Variants in LPIN2 observed in about 807,000 individuals in gnomAD.
The protein encoded by LPIN2 is lipin 2, also known as phosphatidate phosphatase LPIN2.
A neutral mutation model predicts 111.4 loss-of-function variants in LPIN2; 55 were observed. The ratio of observed to expected loss-of-function variants is 0.49; its 90% confidence interval spans 0.40 to 0.62. LPIN2 has a LOEUF of 0.62. Ranked by LOEUF, LPIN2 falls within the 20% of genes least tolerant of loss-of-function variation. The pLI is 0.00. For synonymous variants in LPIN2, 425 were observed against 414.0 expected (o/e 1.03, Z -0.32); for missense variants, 992 against 1,112.1 (o/e 0.89, Z 1.54).
rs369260804 is a variant in LPIN2, at chr18:2,947,557, T to C, written c.590+3498A>G. 5.1e-4 allele frequency among the ~76,000 whole-genome samples: 77 copies of C among 152,336 alleles called. No individual in the cohort carries two copies. The East Asian group carries it at 8.9e-3, about 18-fold the overall frequency. On this transcript the variant is annotated intron_variant, in intron 4 of 19. Transcript: ENST00000677752. ...ATAGCAATCTGCTTTAAAGAATGAT[T>C]CCCTCTTCCATCTGCCTCCTTCAAG...
chr18:2,975,776 A>C (rs2078003574), intron 1 of LPIN2, among the ~76,000 whole-genome samples: 1 of 152,232 alleles, frequency 6.6e-6, no homozygotes, highest in Non-Finnish European at 1.5e-5. Flanking sequence ...CTCTAAAATA[A>C]GCCAGGAAAT....
chr18:2,985,415 CT>C (rs2078173672), intron 1 of LPIN2: 1 of 152,080 alleles, frequency 6.6e-6, no homozygotes, highest in African/African-American at 2.4e-5. Flanking sequence ...AAAAAAGCTA[CT>C]TTTTACTTTT....
chr18:2,933,086 C>CT lies in LPIN2; in HGVS notation c.1268+1264dup, dbSNP rs146581802. ...TAAAGTTTAGTGATAATTACAAATACTGTAAATTTGGTAATGAAGATGCTA... is the reference window on the plus strand; with the variant it reads ...TAAAGTTTAGTGATAATTACAAATACTTGTAAATTTGGTAATGAAGATGCTA... On this transcript the variant is annotated intron_variant, in intron 8 of 19. Coordinates refer to ENST00000677752, the MANE Select transcript of LPIN2 (RefSeq NM_001375808.2). 4.6e-5 allele frequency among the ~76,000 whole-genome samples: 7 copies of CT among 152,314 alleles called. No individual in the cohort carries two copies. The East Asian group carries it at 1.3e-3, about 29-fold the overall frequency.
rs962577689 is a variant in LPIN2, at chr18:2,918,097, A to G, written c.*2196T>C. On this transcript the variant is annotated 3_prime_UTR_variant, in exon 20 of 20. Transcript: ENST00000677752. ...AAGAGGGACTCCTTTAAACAAGGAA[A>G]AAGACTCACATTAATTAGCCTATGT... 3 of 123,258 alleles carry G rather than the reference A, an allele frequency of 2.4e-5. No individual in the cohort carries two copies. The highest frequency in any genetic ancestry group is 3.9e-5 in the African/African-American group (1 of 25,486). 7.6% of individuals were successfully genotyped at this position (123,258 alleles called of 1,614,324 possible).
Position 2,954,576 on chromosome 18 carries a change from A to T in LPIN2, c.216T>A (p.Ser72Arg). Reference sequence around the variant, plus strand: ...CCAACTTCATGTGAAGATCCACTGCACTGCCGTTGATTTCTATATCAATCT... The same window carrying T: ...CCAACTTCATGTGAAGATCCACTGCTCTGCCGTTGATTTCTATATCAATCT... The part of the protein sequence containing the change: ...EKVIDIEING[S>R]AVDLHMKLGD... The change falls in exon 3 of 20, where the codon AGT (serine) becomes AGA (arginine). Residue 72 changes from serine (S) to arginine (R), a missense_variant. Transcript: ENST00000677752. 6.2e-7 allele frequency: 1 copy of T among 1,613,288 alleles called. No homozygotes were observed. The highest frequency in any genetic ancestry group is 8.5e-7 in the Non-Finnish European group (1 of 1,179,180).
At chr18:2,981,056 A>T (rs1027553077) in intron 1 of LPIN2, among the ~76,000 whole-genome samples, 3 of 152,256 alleles carry the variant, frequency 2.0e-5, no homozygotes, top group Non-Finnish European at 4.4e-5. Flanking sequence ...CTAACAAAGC[A>T]CAGAAATCTT....
At chr18:2,964,926 G>A (rs2077770243) in intron 1 of LPIN2, among the ~76,000 whole-genome samples, 1 of 152,112 alleles carries the variant, frequency 6.6e-6, no homozygotes, top group African/African-American at 2.4e-5. Context: ...TGAACTGATT[G>A]GGTCTACTCT....
At chr18:2,981,504 A>C (rs1450718722) in intron 1 of LPIN2, among the ~76,000 whole-genome samples, 1 of 152,192 alleles carries the variant, frequency 6.6e-6, no homozygotes, top group African/African-American at 2.4e-5. Context: ...ACTTCCTGTG[A>C]GGGAGAGTTT....
intron 8 of LPIN2, among the ~76,000 whole-genome samples, chr18:2,934,124 T>C (rs577753728): frequency 2.6e-5 from 4 of 152,340 alleles, no homozygotes; most frequent in Non-Finnish European, 4.4e-5. Flanking sequence ...AACTAGTATA[T>C]CTCTCCTCAT....
At chr18:2,988,012 C>CA (rs761121515) in intron 1 of LPIN2, among the ~76,000 whole-genome samples, 5,920 of 32,094 alleles carry the variant, frequency 0.18, 976 homozygotes, top group African/African-American at 0.28. Flanking sequence ...GAGACTGTCT[C>CA]AAAAAAAAAA....
chr18:2,980,820 G>A (rs1475101783), intron 1 of LPIN2, among the ~76,000 whole-genome samples: 1 of 152,142 alleles, frequency 6.6e-6, no homozygotes, highest in East Asian at 1.9e-4. Flanking sequence ...GCTCTAAACT[G>A]CAGAAAAGCT....
At chr18:2,936,556 G>C (rs1268307017) in intron 7 of LPIN2, among the ~76,000 whole-genome samples, 1 of 151,974 alleles carries the variant, frequency 6.6e-6, no homozygotes, top group Non-Finnish European at 1.5e-5. Flanking sequence ...CAGGTGATTA[G>C]AATAACTTCT....
Position 3,005,122 on chromosome 18 carries a change from G to A in LPIN2, c.-10+7965C>T, listed in dbSNP as rs557180914. ...CCCAGCACTTTGGGAGGCCAAGGTC[G>A]GTGGATCACTTGAGGTCAGGAGTTT... On this transcript the variant is annotated intron_variant, in intron 1 of 19. Coordinates refer to ENST00000677752, the MANE Select transcript of LPIN2 (RefSeq NM_001375808.2). Among the ~76,000 whole-genome samples, 11 of 152,246 alleles carry A rather than the reference G, an allele frequency of 7.2e-5. No homozygotes were observed. The South Asian group carries it at 8.3e-4, about 11-fold the overall frequency.
intron 1 of LPIN2, among the ~76,000 whole-genome samples, chr18:2,977,986 A>G (rs1163429880): frequency 6.6e-6 from 1 of 152,140 alleles, no homozygotes; most frequent in Non-Finnish European, 1.5e-5. Flanking sequence ...TGAGGTCAAG[A>G]GTTCAAGACC....
chr18:2,975,813 C>A (rs879743599), intron 1 of LPIN2, among the ~76,000 whole-genome samples: 1 of 152,198 alleles, frequency 6.6e-6, no homozygotes, highest in Non-Finnish European at 1.5e-5. Flanking sequence ...ATTCCACATA[C>A]AAAAGGCACA....
At chr18:2,936,188 A>C (rs1389513443) in intron 7 of LPIN2, among the ~76,000 whole-genome samples, 1 of 152,214 alleles carries the variant, frequency 6.6e-6, no homozygotes, top group African/African-American at 2.4e-5. Context: ...AAGTTGGTTT[A>C]TAATTACCTA....
intron 19 of LPIN2, 62 bp downstream of exon 19, chr18:2,920,716 G>T: frequency 8.1e-7 from 1 of 1,239,808 alleles, no homozygotes; most frequent in Non-Finnish European, 1.2e-6. Context: ...GACAGGGTCT[G>T]TCTGTCCCCA....
Position 3,003,344 on chromosome 18 carries a change from C to T in LPIN2, c.-10+9743G>A, listed in dbSNP as rs183979797. Among the ~76,000 whole-genome samples, 12 of 152,296 alleles carry T rather than the reference C, an allele frequency of 7.9e-5. No homozygotes were observed. The East Asian group carries it at 2.3e-3, about 29-fold the overall frequency. ...GAAAGCACTAGTTCAAAAGACAGAT[C>T]TGCTCAAAAAGAATTCAGATACTCA... On this transcript the variant is annotated intron_variant, in intron 1 of 19. Transcript: ENST00000677752.
chr18:2,999,176 G>T (rs2078390924), intron 1 of LPIN2, among the ~76,000 whole-genome samples: 1 of 152,186 alleles, frequency 6.6e-6, no homozygotes. Context: ...AAGAAACGCT[G>T]AACTCCTAAC....
Sources: allele counts gnomAD v4.1 joint callset (sites outside exome capture counted in the v4.1 genomes callset), GRCh38; gene constraint gnomAD v4.1.1; transcripts MANE v1.5; gene names NCBI Gene and HGNC (gene_info 2026-07-23, HGNC 2026-07-21).